SLC25A48: variants seen among roughly 807,000 people sequenced by gnomAD.
SLC25A48 encodes the protein CTC-321K16.1.
A neutral mutation model predicts 32.2 loss-of-function variants in SLC25A48; 29 were observed. That is an observed-to-expected ratio of 0.90 (90% CI 0.67 to 1.23). The LOEUF (loss-of-function observed/expected upper bound fraction) is 1.23. Among genes scored for constraint, SLC25A48 ranks in the 50% most tolerant of loss-of-function variants. The probability of loss-of-function intolerance (pLI) is 0.00; values close to 1 mark genes in which losing one functional copy is unlikely to be tolerated. For missense variants in SLC25A48, 399 were observed against 422.7 expected (o/e 0.94, Z 0.49); for synonymous variants, 164 against 172.3 (o/e 0.95, Z 0.38).
chr5:135,682,411 G>A (rs1753918240), intron 3 of SLC25A48, among the ~76,000 whole-genome samples: 1 of 152,146 alleles, frequency 6.6e-6, no homozygotes, highest in South Asian at 2.1e-4. Context: ...ACCTGGCCAA[G>A]GATTAGGTAA....
At chr5:135,851,878 C>T (rs1475136345) in intron 3 of SLC25A48, among the ~76,000 whole-genome samples, 1 of 152,118 alleles carries the variant, frequency 6.6e-6, no homozygotes, top group Non-Finnish European at 1.5e-5. Context: ...CCTCAGCCTC[C>T]TGCAGCCTGT....
chr5:135,753,538 T>G (rs1755821291), intron 3 of SLC25A48, among the ~76,000 whole-genome samples: 1 of 151,928 alleles, frequency 6.6e-6, no homozygotes, highest in Admixed American at 6.6e-5. Context: ...TATCGTGGGG[T>G]GTACTGACAA....
chr5:135,751,010 C>T (rs572662575), intron 3 of SLC25A48, among the ~76,000 whole-genome samples: 5 of 152,324 alleles, frequency 3.3e-5, no homozygotes, highest in Admixed American at 3.3e-4. Context: ...CCATCTTAAA[C>T]CAGCGGCCCT....
At chr5:135,786,194 G>A (rs927069239) in intron 3 of SLC25A48, among the ~76,000 whole-genome samples, 1 of 152,030 alleles carries the variant, frequency 6.6e-6, no homozygotes, top group Admixed American at 6.5e-5. Context: ...TCCCCATGGG[G>A]CAGGGGTGTA....
chr5:135,584,791 T>C (rs1751323944), intron 1 of SLC25A48, among the ~76,000 whole-genome samples: 1 of 152,122 alleles, frequency 6.6e-6, no homozygotes, highest in Non-Finnish European at 1.5e-5. Context: ...ATGCAGTAAG[T>C]AGAAAAAACA....
chr5:135,844,680 G>T (rs956166424), intron 2 of SLC25A48, among the ~76,000 whole-genome samples: 2 of 152,162 alleles, frequency 1.3e-5, no homozygotes, highest in African/African-American at 4.8e-5. Flanking sequence ...AACATCATTC[G>T]ATATATATTA....
intron 3 of SLC25A48, among the ~76,000 whole-genome samples, chr5:135,776,836 A>G (rs1370871191): frequency 6.6e-6 from 1 of 151,900 alleles, no homozygotes; most frequent in East Asian, 1.9e-4. Flanking sequence ...TACTACTCCC[A>G]ATATCAAAAT....
At chr5:135,731,513 TA>T (rs1291499203) in intron 3 of SLC25A48, among the ~76,000 whole-genome samples, 1 of 152,158 alleles carries the variant, frequency 6.6e-6, no homozygotes, top group African/African-American at 2.4e-5. Flanking sequence ...CAAGCGGTAT[TA>T]GGGGTGACGT....
chr5:135,680,917 C>A (rs1753881159), intron 3 of SLC25A48, among the ~76,000 whole-genome samples: 1 of 152,194 alleles, frequency 6.6e-6, no homozygotes, highest in Non-Finnish European at 1.5e-5. Flanking sequence ...GAAGTTGTCT[C>A]ACAGCCCATT....
At chr5:135,720,717 GA>G (rs1561462804) in intron 3 of SLC25A48, among the ~76,000 whole-genome samples, 2 of 151,780 alleles carry the variant, frequency 1.3e-5, no homozygotes, top group Admixed American at 1.3e-4. Context: ...AGACCAGGGT[GA>G]AAAAAAAGGG....
At chr5:135,678,607 T>C (rs1293985176) in intron 3 of SLC25A48, among the ~76,000 whole-genome samples, 1 of 152,230 alleles carries the variant, frequency 6.6e-6, no homozygotes, top group Non-Finnish European at 1.5e-5. Flanking sequence ...TCATGTTGCC[T>C]GTGTCCTTAC....
intron 6 of SLC25A48, among the ~76,000 whole-genome samples, chr5:135,879,738 A>G (rs748399501): frequency 4.6e-5 from 7 of 152,104 alleles, no homozygotes; most frequent in Non-Finnish European, 1.0e-4. Flanking sequence ...TATAGTATTT[A>G]GTGCATGTGT....
intron 4 of SLC25A48, among the ~76,000 whole-genome samples, chr5:135,869,978 C>T (rs774804671): frequency 6.6e-6 from 1 of 152,188 alleles, no homozygotes; most frequent in African/African-American, 2.4e-5. Context: ...ACGCAGAAAC[C>T]ACCCCCTCAA....
chr5:135,768,760 A>G (rs889595556), intron 3 of SLC25A48, among the ~76,000 whole-genome samples: 5 of 151,788 alleles, frequency 3.3e-5, no homozygotes, highest in African/African-American at 4.8e-5. Context: ...ATTACTCTCA[A>G]TATCGCTGGG....
At chr5:135,731,346 G>A (rs1270727848) in intron 3 of SLC25A48, among the ~76,000 whole-genome samples, 3 of 152,216 alleles carry the variant, frequency 2.0e-5, no homozygotes, top group African/African-American at 7.2e-5. Context: ...GCAGGTCACA[G>A]GGGATATGAT....
chr5:135,639,308 A>C (rs896365143), intron 3 of SLC25A48, among the ~76,000 whole-genome samples: 4 of 152,244 alleles, frequency 2.6e-5, no homozygotes, highest in Admixed American at 2.6e-4. Flanking sequence ...TCAGTCTCAC[A>C]GCTCTTATGT....
At chr5:135,738,273 G>A (rs1755423361) in intron 3 of SLC25A48, among the ~76,000 whole-genome samples, 1 of 152,116 alleles carries the variant, frequency 6.6e-6, no homozygotes, top group African/African-American at 2.4e-5. Context: ...TACCCAGATG[G>A]CCAGGGTGGC....
intron 6 of SLC25A48, among the ~76,000 whole-genome samples, chr5:135,879,609 AGAGTGTGTGTGT>A (rs1224922150): frequency 3.5e-4 from 45 of 127,128 alleles, no homozygotes; most frequent in African/African-American, 1.4e-3. Flanking sequence ...AGAGAGAGAG[AGAGTGTGTGTGT>A]GTGTGTGTGT....
intron 3 of SLC25A48, among the ~76,000 whole-genome samples, chr5:135,799,755 G>A (rs892418634): frequency 6.6e-6 from 1 of 151,654 alleles, no homozygotes; most frequent in Non-Finnish European, 1.5e-5. Flanking sequence ...TCTCAATGTC[G>A]CAGGGAGTGT....
Sources: allele counts gnomAD v4.1 joint callset (sites outside exome capture counted in the v4.1 genomes callset), GRCh38; gene constraint gnomAD v4.1.1; transcripts MANE v1.5; gene names NCBI Gene and HGNC (gene_info 2026-07-23, HGNC 2026-07-21).